The following TRAPPC9 variants were observed in gnomAD, a reference collection of about 807,000 sequenced individuals.
The protein encoded by TRAPPC9 is trafficking protein particle complex subunit 9.
Under a neutral mutation model 124.0 loss-of-function variants are expected in TRAPPC9, and 83 were observed. The observed-to-expected ratio is 0.67, with a 90% CI of 0.56 to 0.80. The LOEUF is 0.80. TRAPPC9 is among the 30% of genes least tolerant of loss of function. The pLI, the probability that TRAPPC9 is intolerant of heterozygous loss-of-function variation, is 0.00. For missense variants in TRAPPC9, 1,302 were observed against 1,508.3 expected (o/e 0.86, Z 2.27); for synonymous variants, 638 against 617.5 (o/e 1.03, Z -0.49).
At chr8:139,887,937 C>G (rs1587103757) in intron 20 of TRAPPC9, among the ~76,000 whole-genome samples, 1 of 152,206 alleles carries the variant, frequency 6.6e-6, no homozygotes, top group Admixed American at 6.5e-5. Context: ...CAGCACAGCC[C>G]GTAGCCCCTC....
intron 21 of TRAPPC9, among the ~76,000 whole-genome samples, chr8:139,733,869 T>C (rs1013674842): frequency 6.6e-6 from 1 of 152,206 alleles, no homozygotes; most frequent in Non-Finnish European, 1.5e-5. Context: ...CACTGCAGCC[T>C]GGAGAGGAAG....
At chr8:140,092,620 G>C (rs1337386349) in intron 17 of TRAPPC9, among the ~76,000 whole-genome samples, 1 of 152,180 alleles carries the variant, frequency 6.6e-6, no homozygotes, top group African/African-American at 2.4e-5. Flanking sequence ...ACCACAGACT[G>C]ACTGGCCCCT....
Position 140,111,939 on chromosome 8 carries a change from A to T in TRAPPC9, c.2557-87860T>A, listed in dbSNP as rs187534895. On this transcript the variant is annotated intron_variant, in intron 17 of 22. Coordinates refer to ENST00000438773, the MANE Select transcript of TRAPPC9 (RefSeq NM_001160372.4). ...TCAACAGGGACATTTTAATAAGGTG[A>T]CTCCTGCAGGAGGCTCAGGCGCAGG... Among the ~76,000 whole-genome samples the T allele has an allele frequency of 1.1e-4, 17 of 152,300 alleles. No homozygotes were observed. In the East Asian group the frequency reaches 3.1e-3, roughly 28 times the overall value.
rs537420179 is a variant in TRAPPC9 at position 139,767,542 on chromosome 8, T to C, written c.3056-35340A>G. Among the ~76,000 whole-genome samples the C allele has an allele frequency of 5.0e-4, 76 of 151,846 alleles. No homozygotes were observed. The South Asian group carries it at 0.016, about 32-fold the overall frequency. ...CAGGAGGAACATGCTGGCAGGTGCA[T>C]GTGGGGGTGGAAGGGGGAGGGAGAG... is the stretch of plus-strand genomic sequence containing the variant. On this transcript the variant is annotated intron_variant, in intron 21 of 22. Transcript: ENST00000438773.
chr8:139,936,242 G>A (rs1833506846), intron 19 of TRAPPC9, among the ~76,000 whole-genome samples: 1 of 152,252 alleles, frequency 6.6e-6, no homozygotes, highest in Non-Finnish European at 1.5e-5. Context: ...TAGTCCTGCT[G>A]AAGGAGGATT....
rs575816106 is a variant in TRAPPC9 at position 139,746,571 on chromosome 8, G to A, written c.3056-14369C>T. ...AGGGACATACAGGGGACGAAGACACGAGGTGGTCAGAGCCAGAACACTGTG... is the reference window on the plus strand; with the variant it reads ...AGGGACATACAGGGGACGAAGACACAAGGTGGTCAGAGCCAGAACACTGTG... On this transcript the variant is annotated intron_variant, in intron 21 of 22. Coordinates refer to ENST00000438773, the MANE Select transcript of TRAPPC9 (RefSeq NM_001160372.4). Among the ~76,000 whole-genome samples, 83 of 152,280 alleles carry A rather than the reference G, an allele frequency of 5.5e-4. 1 individual carries two copies. Among genetic ancestry groups the A allele is most frequent in the Non-Finnish European group, 8.8e-5 (6 of 68,030 alleles).
At chr8:140,416,876 G>A (rs975463431) in intron 5 of TRAPPC9, among the ~76,000 whole-genome samples, 1 of 152,074 alleles carries the variant, frequency 6.6e-6, no homozygotes, top group Non-Finnish European at 1.5e-5. Flanking sequence ...CAGATATATA[G>A]ACCAATGGAA....
intron 18 of TRAPPC9, among the ~76,000 whole-genome samples, chr8:140,020,649 C>A (rs1379240624): frequency 6.6e-6 from 1 of 152,080 alleles, no homozygotes; most frequent in Admixed American, 6.6e-5. Context: ...CACATGTACA[C>A]ATACAAAGTA....
chr8:140,168,462 T>A (rs937397668), intron 17 of TRAPPC9, among the ~76,000 whole-genome samples: 3 of 151,810 alleles, frequency 2.0e-5, no homozygotes, highest in Non-Finnish European at 4.4e-5. Context: ...TCTGTCTCTA[T>A]GGATTTTCCT....
intron 17 of TRAPPC9, among the ~76,000 whole-genome samples, chr8:140,219,040 A>G (rs1296972369): frequency 6.6e-6 from 1 of 152,192 alleles, no homozygotes; most frequent in Non-Finnish European, 1.5e-5. Flanking sequence ...TAAAGTCACA[A>G]AACTAGTTGG....
intron 17 of TRAPPC9, among the ~76,000 whole-genome samples, chr8:140,163,486 G>A (rs539662373): frequency 1.3e-5 from 2 of 152,338 alleles, no homozygotes; most frequent in East Asian, 3.9e-4. Flanking sequence ...CAAGTCTGCT[G>A]CTATCTGAGT....
At chr8:140,277,284 A>G (rs1040535592) in intron 14 of TRAPPC9, among the ~76,000 whole-genome samples, 2 of 152,356 alleles carry the variant, frequency 1.3e-5, no homozygotes, top group Middle Eastern at 3.4e-3. Context: ...AATTTTGGTG[A>G]AACAATTGCA....
chr8:140,131,587 C>T (rs2061210003), intron 17 of TRAPPC9, among the ~76,000 whole-genome samples: 1 of 152,200 alleles, frequency 6.6e-6, no homozygotes, highest in Non-Finnish European at 1.5e-5. Context: ...AAACTGCACA[C>T]CGCTTCTCCT....
intron 4 of TRAPPC9, among the ~76,000 whole-genome samples, chr8:140,427,614 A>G (rs2132557634): frequency 6.6e-6 from 1 of 152,312 alleles, no homozygotes; most frequent in South Asian, 2.1e-4. Flanking sequence ...ATGGCAAAAC[A>G]CACCTCAAGG....
At chr8:140,218,374 G>A (rs1316460606) in intron 17 of TRAPPC9, among the ~76,000 whole-genome samples, 2 of 152,100 alleles carry the variant, frequency 1.3e-5, no homozygotes, top group Non-Finnish European at 2.9e-5. Context: ...AATGGACAAA[G>A]TCATCAAGAA....
At chr8:140,042,844 T>C (rs1370680751) in intron 17 of TRAPPC9, among the ~76,000 whole-genome samples, 1 of 152,204 alleles carries the variant, frequency 6.6e-6, no homozygotes, top group Non-Finnish European at 1.5e-5. Context: ...ACCTCCTTAT[T>C]TACACAGAAA....
chr8:140,108,124 G>A (rs1162104789), intron 17 of TRAPPC9, among the ~76,000 whole-genome samples: 3 of 151,664 alleles, frequency 2.0e-5, no homozygotes, highest in Non-Finnish European at 4.4e-5. Context: ...AGGGGTGGGG[G>A]CGGGGAGTTA....
chr8:140,458,191 C>T (rs1260934332), upstream of TRAPPC9: 7 of 1,548,422 alleles, frequency 4.5e-6, no homozygotes, highest in African/African-American at 6.9e-5. Flanking sequence ...GAGGGAGGGA[C>T]CGGAGCAAGA....
At chr8:140,084,158 T>C (rs1026271461) in intron 17 of TRAPPC9, among the ~76,000 whole-genome samples, 2 of 152,134 alleles carry the variant, frequency 1.3e-5, no homozygotes, top group Non-Finnish European at 2.9e-5. Context: ...GAAAAGGGAA[T>C]AACAACATAC....
Sources: gnomAD v4.1 joint callset for allele counts (sites outside exome capture counted in the v4.1 genomes callset) on GRCh38, gnomAD v4.1.1 for gene constraint, MANE v1.5 for transcripts, NCBI Gene and HGNC (gene_info 2026-07-23, HGNC 2026-07-21) for gene names.